The following TRIP11 variants were observed in gnomAD, a reference collection of about 807,000 sequenced individuals.
TRIP11 encodes the protein thyroid receptor-interacting protein 11.
In TRIP11, 148 loss-of-function variants were observed where a neutral mutation model predicts 223.1. The ratio of observed to expected loss-of-function variants is 0.66; its 90% confidence interval spans 0.58 to 0.76. The LOEUF (loss-of-function observed/expected upper bound fraction) is 0.76. TRIP11 is among the 30% of genes least tolerant of loss of function. The pLI, the probability that TRIP11 is intolerant of heterozygous loss-of-function variation, is 0.00. For synonymous variants in TRIP11, 762 were observed against 772.6 expected, an observed-to-expected ratio of 0.99 and a Z score of 0.23; for missense variants, 2,043 against 2,222.0, an observed-to-expected ratio of 0.92 and a Z score of 1.62.
intron 15 of TRIP11, among the ~76,000 whole-genome samples, chr14:91,990,774 T>C (rs1202521257): frequency 2.0e-5 from 3 of 152,170 alleles, no homozygotes; most frequent in African/African-American, 7.2e-5. Flanking sequence ...CCCAGGAGTT[T>C]GAGACCAGCC....
chr14:92,021,191 G>A (rs954359423), intron 4 of TRIP11, among the ~76,000 whole-genome samples: 5 of 151,578 alleles, frequency 3.3e-5, no homozygotes, highest in Non-Finnish European at 5.9e-5. Flanking sequence ...TCAGGAGTTC[G>A]AGACTAGCCT....
At chr14:91,992,908 CAAAAAAAAAAAAAAA>C (rs550702989) in intron 15 of TRIP11, among the ~76,000 whole-genome samples, 1,346 of 29,350 alleles carry the variant, frequency 0.046, 42 homozygotes, top group African/African-American at 0.12. Flanking sequence ...GACTCCGTCT[CAAAAAAAAAAAAAAA>C]AAAAAAAAAA....
chr14:92,006,699 A>G lies in TRIP11; in HGVS notation c.1528-251T>C, dbSNP rs191256754. ...GTTGCCCAGGCTGGAGTGCAATGGC[A>G]CAATCTCGGCTCGGCGCAATCTCGG... On this transcript the variant is annotated intron_variant, in intron 10 of 20. Coordinates refer to ENST00000267622, the MANE Select transcript of TRIP11 (RefSeq NM_004239.4). 3.9e-5 allele frequency among the ~76,000 whole-genome samples: 6 copies of G among 152,168 alleles called. No homozygotes were observed. In the East Asian group the frequency reaches 1.2e-3, roughly 30 times the overall value.
chr14:91,976,316 T>C (rs1007477754), intron 16 of TRIP11, 127 bp from the exon 17 acceptor site: 3 of 818,558 alleles, frequency 3.7e-6, no homozygotes, highest in African/African-American at 1.7e-5. Flanking sequence ...ATTGGGAATA[T>C]TCAATAACTT....
rs77981249 is a variant in TRIP11, at chr14:92,021,739, A to G, written c.405T>C (p.Ala135=). ...ATGATGCAGTGGTTGCTGGTACACC[A>G]GCTCCTGAAGGTACTGACTGAGCAG... is the stretch of plus-strand genomic sequence containing the variant. ...QSAAQSVPSG[A]GVPATTASSS... is the part of the protein sequence containing the mutation. The change falls in exon 4 of 21, where the codon GCT becomes GCC. Residue 135 remains alanine, a synonymous_variant. Transcript: ENST00000267622. 0.021 allele frequency: 33,904 copies of G among 1,614,178 alleles called. 730 individuals carry two copies. The highest frequency in any genetic ancestry group is 0.089 in the East Asian group (3,987 of 44,872).
intron 2 of TRIP11, among the ~76,000 whole-genome samples, chr14:92,029,935 C>T (rs914906368): frequency 3.5e-4 from 52 of 147,814 alleles, no homozygotes; most frequent in African/African-American, 1.2e-3. Context: ...CGGTGGCTCA[C>T]GCCTGTAATC....
intron 9 of TRIP11, among the ~76,000 whole-genome samples, chr14:92,008,398 C>A (rs1276754369): frequency 6.6e-6 from 1 of 152,200 alleles, no homozygotes; most frequent in Non-Finnish European, 1.5e-5. Context: ...TCCCTTATTA[C>A]TTTTGCTTCT....
intron 9 of TRIP11, among the ~76,000 whole-genome samples, chr14:92,010,533 T>TA (rs1047193208): frequency 9.2e-4 from 133 of 144,524 alleles, no homozygotes; most frequent in Admixed American, 1.0e-3. Context: ...TCCATCTCAT[T>TA]AAAAAAAAAA....
At chr14:92,038,141 A>C (rs978863964) in intron 1 of TRIP11, among the ~76,000 whole-genome samples, 1 of 152,160 alleles carries the variant, frequency 6.6e-6, no homozygotes, top group Non-Finnish European at 1.5e-5. Flanking sequence ...TAAAACAAGG[A>C]CACGAAGATT....
intron 13 of TRIP11, 79 bp from the exon 14 acceptor site, chr14:91,995,594 C>A: frequency 7.3e-7 from 1 of 1,370,178 alleles, no homozygotes; most frequent in Non-Finnish European, 1.0e-6. Context: ...TTCCCTACAT[C>A]TTATTACTTT....
Position 91,988,235 on chromosome 14 carries a change from T to C in TRIP11, c.5260+49A>G, listed in dbSNP as rs563125799. 8 of 1,422,350 alleles carry C rather than the reference T, an allele frequency of 5.6e-6. No homozygotes were observed. In the African/African-American group the frequency reaches 8.5e-5, roughly 15 times the overall value. The allele number at this position is 1,422,350 out of a possible 1,614,324, so 88.1% of individuals were successfully genotyped here. The stretch of plus-strand genomic sequence containing the variant: ...ATTTATGACAGAAGACTACATTTGA[T>C]TTAATATCAGTATTGTAGTGGGGGA... On this transcript the variant is annotated intron_variant, in intron 16 of 20. Coordinates refer to ENST00000267622, the MANE Select transcript of TRIP11 (RefSeq NM_004239.4).
chr14:91,980,491 T>A (rs1380129407), intron 16 of TRIP11, among the ~76,000 whole-genome samples: 2 of 152,234 alleles, frequency 1.3e-5, no homozygotes, highest in African/African-American at 2.4e-5. Context: ...AAAATGAACA[T>A]GCTTATCTCA....
intron 19 of TRIP11, among the ~76,000 whole-genome samples, chr14:91,973,280 T>TC (rs1396500814): frequency 2.0e-5 from 3 of 152,216 alleles, no homozygotes; most frequent in Admixed American, 2.0e-4. Flanking sequence ...CACCTCGGCC[T>TC]CCCAAAGTGC....
In TRIP11 at chr14:91,972,716, C is replaced by T; in HGVS notation, c.5719+1G>A. On this transcript the variant is annotated splice_donor_variant, in intron 20 of 20. Coordinates refer to ENST00000267622, the MANE Select transcript of TRIP11 (RefSeq NM_004239.4). LOFTEE classifies it high-confidence loss of function. ...TAGAAAAATTAAATCTCTAGTTTTA[C>T]CTTTAAAACTTTCTGGTGCATTTGT... is the stretch of plus-strand genomic sequence containing the variant. 10 of 1,607,650 alleles carry T rather than the reference C, an allele frequency of 6.2e-6. No individual in the cohort carries two copies. The highest frequency in any genetic ancestry group is 8.5e-6 in the Non-Finnish European group (10 of 1,177,404).
At position 91,968,480 on chromosome 14, in the gene TRIP11, G is replaced by A. The variant is rs2056361737; in HGVS notation, c.*1193C>T. 1 of 214,804 alleles carries A rather than the reference G, an allele frequency of 4.7e-6. No homozygotes were observed. The highest frequency in any genetic ancestry group is 9.4e-6 in the Non-Finnish European group (1 of 106,416). 13.3% of individuals were successfully genotyped at this position (214,804 alleles called of 1,614,324 possible). A position where few individuals can be genotyped will look rare whatever the true frequency, so the allele number is the denominator to read the frequency against. On this transcript the variant is annotated 3_prime_UTR_variant, in exon 21 of 21. Coordinates refer to ENST00000267622, the MANE Select transcript of TRIP11 (RefSeq NM_004239.4). ...ACTCTCGGATTGCTGTACCTCATAT[G>A]TCAACACCGCAGACGGAGGCAGGAA...
At position 92,020,251 on chromosome 14, in the gene TRIP11, C is replaced by CA. The variant is rs573852798; in HGVS notation, c.588+1304dup. Among the ~76,000 whole-genome samples the CA allele has an allele frequency of 2.7e-3, 370 of 137,358 alleles. 3 individuals are homozygous for CA. The highest frequency in any genetic ancestry group is 0.015 in the Middle Eastern group (4 of 270). The allele number at this position is 137,358 out of a possible 152,430, so 90.1% of individuals were successfully genotyped here. ...TGGGCAACAGACTGAGACTCTCTCT[C>CA]AAAAAAAAAAAGAAAAGAAAGAACA... is the stretch of plus-strand genomic sequence containing the variant. On this transcript the variant is annotated intron_variant, in intron 4 of 20. Transcript: ENST00000267622.
chr14:92,005,159 T>C lies in TRIP11; in HGVS notation c.2817A>G (p.Glu939=). 1.9e-6 allele frequency: 3 copies of C among 1,613,826 alleles called. No homozygotes were observed. The highest frequency in any genetic ancestry group is 1.7e-6 in the Non-Finnish European group (2 of 1,180,030). The change falls in exon 11 of 21, where the codon GAA becomes GAG. Residue 939 remains glutamate, a synonymous_variant. Coordinates refer to ENST00000267622, the MANE Select transcript of TRIP11 (RefSeq NM_004239.4). The part of the protein sequence containing the change: ...LLQSLQEQKK[E]MDEFRYQHEQ... ...CATGCTGGTATCTAAACTCATCCAT[T>C]TCCTTCTTTTGCTCTTGTAAAGACT... is the stretch of plus-strand genomic sequence containing the variant.
At position 92,037,928 on chromosome 14, in the gene TRIP11, G is replaced by A. The variant is rs2057341497; in HGVS notation, c.139+1619C>T. On this transcript the variant is annotated intron_variant, in intron 1 of 20. Transcript: ENST00000267622. The surrounding 1 kb of genome is among the most constrained non-coding windows in gnomAD (Gnocchi z 4.2). ...AACAGGGTCAAGAAATTTTTACGCA[G>A]GTTTGTTTTTAGAAAGTAACTGACA... Among the ~76,000 whole-genome samples the A allele has an allele frequency of 6.6e-6, 1 of 152,170 alleles. No individual in the cohort carries two copies. The highest frequency in any genetic ancestry group is 2.4e-5 in the African/African-American group (1 of 41,444).
At chr14:91,970,766 TTA>T (rs2056392185) in intron 20 of TRIP11, among the ~76,000 whole-genome samples, 1 of 152,188 alleles carries the variant, frequency 6.6e-6, no homozygotes, top group Admixed American at 6.5e-5. Context: ...AGCTCTTGTT[TTA>T]TACTTAAATA....
Sources: allele counts gnomAD v4.1 joint callset (sites outside exome capture counted in the v4.1 genomes callset), GRCh38; gene constraint gnomAD v4.1.1; non-coding constraint Gnocchi (gnomAD v3.1); transcripts MANE v1.5; gene names NCBI Gene and HGNC (gene_info 2026-07-23, HGNC 2026-07-21).